Variants in SAMD4A observed in about 807,000 individuals in gnomAD.
The protein encoded by SAMD4A is sterile alpha motif domain containing 4A, also known as protein Smaug homolog 1.
SAMD4A carries 33 observed loss-of-function variants against 81.3 expected under a neutral mutation model. The observed-to-expected ratio is 0.41, with a 90% confidence interval of 0.31 to 0.54. The LOEUF (loss-of-function observed/expected upper bound fraction) is 0.54, where lower values mean the gene tolerates loss of function less well. Among genes scored for constraint, SAMD4A ranks in the 20% least tolerant of loss-of-function variants. The pLI is 0.37. For missense variants in SAMD4A, 854 were observed against 951.1 expected (o/e 0.90, Z 1.34); for synonymous variants, 389 against 382.1 (o/e 1.02, Z -0.21).
At position 54,787,454 on chromosome 14, in the gene SAMD4A, CCT is replaced by C. The variant is rs75431052; in HGVS notation, c.2129-1461_2129-1460del. ...CCACAAGGAAGCCAGGAACCAACCCCCTGTGGTGGCCTCAGCACGCCTGTCAC... is the reference window on the plus strand; with the variant it reads ...CCACAAGGAAGCCAGGAACCAACCCCGTGGTGGCCTCAGCACGCCTGTCAC... On this transcript the variant is annotated intron_variant, in intron 12 of 12. Coordinates refer to ENST00000554335, the MANE Select transcript of SAMD4A (RefSeq NM_015589.6). 4.0e-3 allele frequency among the ~76,000 whole-genome samples: 603 copies of C among 152,350 alleles called. 3 individuals carry two copies. Among genetic ancestry groups the C allele is most frequent in the Admixed American group, 0.01 (156 of 15,304 alleles).
At position 54,770,173 on chromosome 14, in the gene SAMD4A, T is replaced by C. The variant is rs760624134; in HGVS notation, c.1666T>C (p.Phe556Leu). 3.1e-6 allele frequency: 5 copies of C among 1,614,146 alleles called. No individual in the cohort carries two copies. In the Admixed American group the frequency reaches 8.3e-5, roughly 27 times the overall value. ...GCAGGTGCAGAAGCTCTTTCGGTCT[T>C]TCCCTCGGAAAACCCTTCTAGACAT... ...KQQVQKLFRS[F>L]PRKTLLDISG... Residue 556 changes from phenylalanine to leucine, a missense_variant, in exon 9 of 13, where the codon TTC becomes CTC. Phe to Leu is a conservative substitution (Grantham distance 22). This residue lies in a region of SAMD4A where 428 missense variants were observed against 471.2 expected (regional missense o/e 0.91). Coordinates refer to ENST00000554335, the MANE Select transcript of SAMD4A (RefSeq NM_015589.6).
intron 2 of SAMD4A, among the ~76,000 whole-genome samples, chr14:54,577,083 G>T (rs190356985): frequency 2.4e-4 from 37 of 152,344 alleles, no homozygotes; most frequent in Non-Finnish European, 7.3e-5. Flanking sequence ...GCTGGTCACT[G>T]CTGTGGGCAG....
intron 2 of SAMD4A, among the ~76,000 whole-genome samples, chr14:54,658,849 A>G (rs1281066868): frequency 3.4e-4 from 52 of 152,228 alleles, no homozygotes; most frequent in Admixed American, 3.2e-3. Context: ...GTCACTCATT[A>G]GAAGTCAGGC....
At chr14:54,766,442 T>C (rs2038545929) in intron 8 of SAMD4A, among the ~76,000 whole-genome samples, 9 of 152,118 alleles carry the variant, frequency 5.9e-5, no homozygotes, top group Admixed American at 5.2e-4. Flanking sequence ...GATAAGGTCA[T>C]CCCTGAGTGC....
chr14:54,751,483 C>T lies in SAMD4A; in HGVS notation c.1122C>T (p.Val374=), dbSNP rs2038100192. 1.2e-6 allele frequency: 2 copies of T among 1,607,270 alleles called. No individual in the cohort carries two copies. Among genetic ancestry groups the T allele is most frequent in the African/African-American group, 1.3e-5 (1 of 74,716 alleles). Residue 374 remains valine, a synonymous_variant, in exon 6 of 13, where the codon GTC becomes GTT. Coordinates refer to ENST00000554335, the MANE Select transcript of SAMD4A (RefSeq NM_015589.6). ...NVTKGARHKI[V]ISIQKLKERQ... ...CCAAAGGTGCAAGACACAAAATTGTCATCAGTATTCAGAAGCTCAAAGAAA... is the reference window on the plus strand; with the variant it reads ...CCAAAGGTGCAAGACACAAAATTGTTATCAGTATTCAGAAGCTCAAAGAAA...
chr14:54,642,891 C>T (rs2035205083), intron 2 of SAMD4A, among the ~76,000 whole-genome samples: 1 of 152,204 alleles, frequency 6.6e-6, no homozygotes, highest in South Asian at 2.1e-4. Flanking sequence ...CACTGGTTCA[C>T]CAGAACCTCT....
intron 3 of SAMD4A, among the ~76,000 whole-genome samples, chr14:54,715,982 C>A (rs2037108146): frequency 6.6e-6 from 1 of 152,126 alleles, no homozygotes; most frequent in African/African-American, 2.4e-5. Flanking sequence ...TCACCAAGTT[C>A]TGTTGCTTGG....
chr14:54,770,675 G>A lies in SAMD4A; in HGVS notation c.1715+453G>A, dbSNP rs1310442341. ...TTGGTGGCAGGGTGAAGAGCCCAGT[G>A]CTAGTCTATTTTGGTCTGCAGTCTC... On this transcript the variant is annotated intron_variant, in intron 9 of 12. Transcript: ENST00000554335. 4.6e-5 allele frequency among the ~76,000 whole-genome samples: 7 copies of A among 152,224 alleles called. No individual in the cohort carries two copies. In the East Asian group the frequency reaches 1.3e-3, roughly 29 times the overall value.
chr14:54,751,034 G>T (rs2038089250), intron 5 of SAMD4A, among the ~76,000 whole-genome samples: 1 of 152,168 alleles, frequency 6.6e-6, no homozygotes, highest in Non-Finnish European at 1.5e-5. Context: ...GGCTGAGGTG[G>T]GAAGATTGCT....
At chr14:54,614,179 A>T (rs1594736275) in intron 2 of SAMD4A, among the ~76,000 whole-genome samples, 1 of 152,258 alleles carries the variant, frequency 6.6e-6, no homozygotes, top group Non-Finnish European at 1.5e-5. Context: ...GTAAAAATTT[A>T]AAAACTGTGG....
chr14:54,566,452 T>A (rs1306393562), upstream of SAMD4A, among the ~76,000 whole-genome samples: 1 of 151,716 alleles, frequency 6.6e-6, no homozygotes, highest in Non-Finnish European at 1.5e-5. Flanking sequence ...CCTTGAAGGC[T>A]GAGTCGCTGG....
At chr14:54,768,901 G>A (rs1247709723) in intron 8 of SAMD4A, among the ~76,000 whole-genome samples, 1 of 152,210 alleles carries the variant, frequency 6.6e-6, no homozygotes, top group Admixed American at 6.5e-5. Flanking sequence ...ATCACTGGGA[G>A]ACAACTAAGC....
In SAMD4A at chr14:54,751,610, A is replaced by C; in HGVS notation, c.1176+73A>C. On this transcript the variant is annotated intron_variant, in intron 6 of 12. Coordinates refer to ENST00000554335, the MANE Select transcript of SAMD4A (RefSeq NM_015589.6). ...GGACCAAGGAAAATTCTCCACTGGA[A>C]GTGTCATCGACAGACCTTCTAGAGC... is the stretch of plus-strand genomic sequence containing the variant. The C allele has an allele frequency of 4.2e-6, 4 of 963,452 alleles. No homozygotes were observed. In the South Asian group the frequency reaches 5.4e-5, roughly 13 times the overall value. 59.7% of individuals were successfully genotyped at this position (963,452 alleles called of 1,614,324 possible). A position where few individuals can be genotyped will look rare whatever the true frequency, so the allele number is the denominator to read the frequency against.
At chr14:54,659,426 G>A (rs115488709) in intron 2 of SAMD4A, among the ~76,000 whole-genome samples, 5 of 152,098 alleles carry the variant, frequency 3.3e-5, no homozygotes, top group South Asian at 2.1e-4. Context: ...ACACATGTCC[G>A]TCTGTCTCTC....
Position 54,644,153 on chromosome 14 carries a change from G to A in SAMD4A, c.197-57909G>A, listed in dbSNP as rs183615527. The stretch of plus-strand genomic sequence containing the variant: ...GTTTAGGAAACTTTGCCATTTTCCA[G>A]CATTTTCACACACATTTCTTGAATC... On this transcript the variant is annotated intron_variant, in intron 2 of 12. Coordinates refer to ENST00000554335, the MANE Select transcript of SAMD4A (RefSeq NM_015589.6). 2.9e-3 allele frequency among the ~76,000 whole-genome samples: 434 copies of A among 152,020 alleles called. 1 individual carries two copies. Among genetic ancestry groups the A allele is most frequent in the Middle Eastern group, 6.8e-3 (2 of 294 alleles).
chr14:54,700,253 CTATTTGGGGCTCAGAGAAGG>C (rs1347489917), intron 2 of SAMD4A, among the ~76,000 whole-genome samples: 36 of 152,102 alleles, frequency 2.4e-4, no homozygotes, highest in Admixed American at 4.6e-4. Flanking sequence ...GGGGCAGATG[CTATTTGGGGCTCAGAGAAGG>C]TATTTGGGGC....
chr14:54,776,657 ATAGAAGCCTTTCCTTT>A (rs2038858381), intron 11 of SAMD4A, 117 bp downstream of exon 11: 1 of 1,225,844 alleles, frequency 8.2e-7, no homozygotes, highest in Admixed American at 3.1e-5. Context: ...TTTGGAGCTT[ATAGAAGCCTTTCCTTT>A]TTTAAACTGT....
chr14:54,772,453 G>T (rs2038731019), intron 9 of SAMD4A, among the ~76,000 whole-genome samples: 2 of 152,166 alleles, frequency 1.3e-5, no homozygotes, highest in Admixed American at 1.3e-4. Context: ...GAGAGAGAAA[G>T]ATGGCCTAGC....
intron 8 of SAMD4A, among the ~76,000 whole-genome samples, chr14:54,766,966 C>T (rs2038561893): frequency 6.6e-6 from 1 of 152,158 alleles, no homozygotes; most frequent in Non-Finnish European, 1.5e-5. Context: ...GACCTCCGTG[C>T]AGCCCCAGGT....
Sources: allele counts gnomAD v4.1 joint callset (sites outside exome capture counted in the v4.1 genomes callset), GRCh38; gene constraint gnomAD v4.1.1; regional missense constraint gnomAD v4.1.1; transcripts MANE v1.5; gene names NCBI Gene and HGNC (gene_info 2026-07-23, HGNC 2026-07-21).